The following CTBP2 variants were observed in gnomAD, a reference collection of about 807,000 sequenced individuals.
CTBP2 encodes the protein C-terminal binding protein 2, also known as C-terminal-binding protein 2.
CTBP2 carries 30 observed loss-of-function variants against 80.3 expected under a neutral mutation model. That is an observed-to-expected ratio of 0.37 (90% CI 0.28 to 0.51). CTBP2 has a LOEUF of 0.51. CTBP2 is among the 20% of genes least tolerant of loss of function. The pLI, the probability that CTBP2 is intolerant of heterozygous loss-of-function variation, is 0.93. For synonymous variants in CTBP2, 594 were observed against 587.4 expected, an observed-to-expected ratio of 1.01 and a Z score of -0.16; for missense variants, 1,212 against 1,375.3, an observed-to-expected ratio of 0.88 and a Z score of 1.88.
At position 124,989,638 on chromosome 10, in the gene CTBP2, G is replaced by C; in HGVS notation, c.2838C>G (p.Ile946Met). ...GAGTCACTGGGATGCCTCCAGGGAT[G>C]ATCCCTTCCATGGCTGCAGGAAGTC... The change falls in exon 9 of 9, where the codon ATC becomes ATG. Residue 946 changes from isoleucine to methionine, a missense_variant. Physicochemically the swap from Ile to Met is conservative, Grantham distance 10. Coordinates refer to ENST00000309035, the MANE Select transcript of CTBP2 (RefSeq NM_022802.3). 1 of 1,610,030 alleles carries C rather than the reference G, an allele frequency of 6.2e-7. No homozygotes were observed. The highest frequency in any genetic ancestry group is 8.5e-7 in the Non-Finnish European group (1 of 1,177,906).
At chr10:125,065,742 G>A (rs1844523693) in intron 2 of CTBP2, among the ~76,000 whole-genome samples, 1 of 152,144 alleles carries the variant, frequency 6.6e-6, no homozygotes, top group African/African-American at 2.4e-5. Flanking sequence ...TCCATATGAA[G>A]AAGCTGAGGG....
chr10:125,126,186 TC>T (rs1333129378), intron 1 of CTBP2, among the ~76,000 whole-genome samples: 1 of 152,172 alleles, frequency 6.6e-6, no homozygotes, highest in African/African-American at 2.4e-5. Context: ...TCCTGCCTTG[TC>T]CAACTATGTG....
intron 1 of CTBP2, among the ~76,000 whole-genome samples, chr10:125,020,623 C>T (rs781395760): frequency 5.6e-4 from 86 of 152,292 alleles, no homozygotes; most frequent in Non-Finnish European, 8.8e-4. Context: ...CAGCAAGCGC[C>T]GACCTCATTC....
At chr10:125,104,757 A>C (rs1055068204) in intron 2 of CTBP2, among the ~76,000 whole-genome samples, 1 of 152,266 alleles carries the variant, frequency 6.6e-6, no homozygotes, top group Non-Finnish European at 1.5e-5. Flanking sequence ...TCGACCAAGA[A>C]GACTTTATTT....
chr10:125,140,411 G>C (rs1309613702), intron 1 of CTBP2, among the ~76,000 whole-genome samples: 1 of 151,996 alleles, frequency 6.6e-6, no homozygotes, highest in South Asian at 2.1e-4. Flanking sequence ...AGGGGACAAA[G>C]AATGAGCTCC....
chr10:125,155,672 C>G (rs544102623), intron 1 of CTBP2, among the ~76,000 whole-genome samples: 1 of 149,158 alleles, frequency 6.7e-6, no homozygotes, highest in African/African-American at 2.5e-5. Flanking sequence ...TTTCCAAACC[C>G]CAAGATAGGA....
chr10:124,994,225 C>CT (rs1257686306), intron 5 of CTBP2, among the ~76,000 whole-genome samples: 1 of 152,230 alleles, frequency 6.6e-6, no homozygotes, highest in Non-Finnish European at 1.5e-5. Context: ...CTGCTGGCCT[C>CT]TTTAAAGGTT....
chr10:125,086,911 G>A (rs1320916812), intron 2 of CTBP2, among the ~76,000 whole-genome samples: 1 of 152,030 alleles, frequency 6.6e-6, no homozygotes, highest in Non-Finnish European at 1.5e-5. Context: ...GTGGGAGCGC[G>A]GCCACTGCAC....
At chr10:124,991,445 G>T (rs1330530948) in intron 8 of CTBP2, among the ~76,000 whole-genome samples, 1 of 152,242 alleles carries the variant, frequency 6.6e-6, no homozygotes, top group Non-Finnish European at 1.5e-5. Flanking sequence ...ATCTGGTGCT[G>T]TGATAGGCTC....
chr10:125,129,599 T>C (rs113821204), intron 1 of CTBP2, among the ~76,000 whole-genome samples: 317 of 152,170 alleles, frequency 2.1e-3, no homozygotes, highest in African/African-American at 7.2e-3. Context: ...TGCACATTCA[T>C]TGTAGATGAT....
intron 1 of CTBP2, among the ~76,000 whole-genome samples, chr10:125,022,912 G>C (rs772372555): frequency 6.6e-6 from 1 of 152,258 alleles, no homozygotes; most frequent in Non-Finnish European, 1.5e-5. Flanking sequence ...AGCAGCAGGG[G>C]TGTGGGCCGA....
chr10:125,061,344 C>T (rs1964928798), intron 2 of CTBP2, among the ~76,000 whole-genome samples: 1 of 152,210 alleles, frequency 6.6e-6, no homozygotes, highest in African/African-American at 2.4e-5. Context: ...TCTCGCTGGG[C>T]ATCCGGGGCG....
At position 125,026,483 on chromosome 10, in the gene CTBP2, A is replaced by G. The variant is rs375050113; in HGVS notation, c.1277T>C (p.Val426Ala). Residue 426 changes from valine (V) to alanine (A), a missense_variant, in exon 1 of 9, where the codon GTG (valine) becomes GCG (alanine). Physicochemically the swap from Val to Ala is moderately conservative, Grantham distance 64. Coordinates refer to ENST00000309035, the MANE Select transcript of CTBP2 (RefSeq NM_022802.3). The stretch of plus-strand genomic sequence containing the variant: ...GGGGAAGTGTGGGGCATGGGTGCCC[A>G]CGCCAGGGGCAGAATAGGTGGCTGC... 3.7e-6 allele frequency: 6 copies of G among 1,600,414 alleles called. No individual in the cohort carries two copies. The highest frequency in any genetic ancestry group is 4.5e-5 in the East Asian group (2 of 44,526).
chr10:125,026,392 G>T lies in CTBP2; in HGVS notation c.1368C>A (p.Pro456=), dbSNP rs1421790358. The T allele has an allele frequency of 6.2e-7, 1 of 1,610,626 alleles. No individual in the cohort carries two copies. Among genetic ancestry groups the T allele is most frequent in the Non-Finnish European group, 8.5e-7 (1 of 1,177,576 alleles). ...TAGTCAAGGCCACCCCTGCCTGCAG[G>T]GGGTACGTGGGGCTCAGACGCGCTG... The change falls in exon 1 of 9, where the codon CCC becomes CCA. Residue 456 remains proline (P), a synonymous_variant. Coordinates refer to ENST00000309035, the MANE Select transcript of CTBP2 (RefSeq NM_022802.3).
At chr10:125,115,284 C>A (rs961374089) in intron 1 of CTBP2, among the ~76,000 whole-genome samples, 2 of 152,152 alleles carry the variant, frequency 1.3e-5, no homozygotes, top group African/African-American at 2.4e-5. Flanking sequence ...CACCACTGTG[C>A]GCTGTGTTCC....
At chr10:125,005,493 C>T (rs1306030576) in intron 1 of CTBP2, 11 of 1,523,804 alleles carry the variant, frequency 7.2e-6, no homozygotes, top group Non-Finnish European at 8.9e-6. Flanking sequence ...GAAAACAGGG[C>T]AGGGGAGGGG....
intron 1 of CTBP2, among the ~76,000 whole-genome samples, chr10:125,024,363 G>C (rs1376820025): frequency 6.6e-6 from 1 of 152,190 alleles, no homozygotes; most frequent in Non-Finnish European, 1.5e-5. Flanking sequence ...GACTTCCCTG[G>C]CACTGGCTCG....
At chr10:125,079,829 CTG>C (rs1846903442) in intron 2 of CTBP2, among the ~76,000 whole-genome samples, 1 of 152,196 alleles carries the variant, frequency 6.6e-6, no homozygotes, top group Non-Finnish European at 1.5e-5. Context: ...TGCAGGGAGA[CTG>C]ATTTAGAAAT....
At chr10:125,034,667 C>T (rs1048607274) in intron 3 of CTBP2, among the ~76,000 whole-genome samples, 18 of 152,090 alleles carry the variant, frequency 1.2e-4, no homozygotes, top group Admixed American at 9.8e-4. Flanking sequence ...TGTTTCTTTA[C>T]GAAGCGCTCA....
Sources: allele counts gnomAD v4.1 joint callset (sites outside exome capture counted in the v4.1 genomes callset), GRCh38; gene constraint gnomAD v4.1.1; transcripts MANE v1.5; gene names NCBI Gene and HGNC (gene_info 2026-07-23, HGNC 2026-07-21).